STON2: variants seen among roughly 807,000 people sequenced by gnomAD.
STON2 encodes the protein stonin 2, also known as stonin-2.
A neutral mutation model predicts 65.7 loss-of-function variants in STON2; 29 were observed. The observed-to-expected ratio is 0.44, with a 90% CI of 0.33 to 0.60. The LOEUF is 0.60. Ranked by LOEUF, STON2 falls within the 20% of genes least tolerant of loss-of-function variation. The probability of loss-of-function intolerance (pLI) is 0.03; values close to 1 mark genes in which losing one functional copy is unlikely to be tolerated. For synonymous variants in STON2, 404 were observed against 414.2 expected (o/e 0.98, Z 0.30); for missense variants, 1,054 against 1,118.1 (o/e 0.94, Z 0.82).
intron 4 of STON2, among the ~76,000 whole-genome samples, chr14:81,370,061 A>T (rs1898915085): frequency 6.6e-6 from 1 of 152,120 alleles, no homozygotes. Flanking sequence ...CAAATACCAA[A>T]CCAAATCCTG....
chr14:81,434,203 T>C (rs1158890276), intron 1 of STON2, among the ~76,000 whole-genome samples: 1 of 152,258 alleles, frequency 6.6e-6, no homozygotes, highest in Non-Finnish European at 1.5e-5. Flanking sequence ...CAACAACTCA[T>C]TTTATAAAGC....
At chr14:81,389,232 T>G (rs1899963821) in intron 3 of STON2, among the ~76,000 whole-genome samples, 1 of 152,232 alleles carries the variant, frequency 6.6e-6, no homozygotes, top group African/African-American at 2.4e-5. Context: ...GGAAAAGGGC[T>G]AAAGCCAAAA....
At position 81,308,602 on chromosome 14, in the gene STON2, G is replaced by A. The variant is rs186658453; in HGVS notation, c.742+15415C>T. ...TTTATTCAAGGGTATCCCTCTTGGCGTCTAATAAGGCCTGGCCACTCATGC... is the reference window on the plus strand; with the variant it reads ...TTTATTCAAGGGTATCCCTCTTGGCATCTAATAAGGCCTGGCCACTCATGC... On this transcript the variant is annotated intron_variant, in intron 5 of 7. Coordinates refer to ENST00000614646, the MANE Select transcript of STON2 (RefSeq NM_001394390.1). Among the ~76,000 whole-genome samples the A allele has an allele frequency of 6.5e-4, 98 of 151,722 alleles. No homozygotes were observed. The East Asian group carries it at 0.016, about 24-fold the overall frequency.
At chr14:81,327,722 C>A (rs1897051162) in intron 4 of STON2, among the ~76,000 whole-genome samples, 1 of 152,174 alleles carries the variant, frequency 6.6e-6, no homozygotes, top group South Asian at 2.1e-4. Context: ...CTGTTTTTGG[C>A]CACGACATGT....
In STON2 at chr14:81,395,982, C is replaced by A. The variant is rs1204169729; in HGVS notation, c.285G>T (p.Leu95=). 1 of 1,614,074 alleles carries A rather than the reference C, an allele frequency of 6.2e-7. No homozygotes were observed. Among genetic ancestry groups the A allele is most frequent in the Non-Finnish European group, 8.5e-7 (1 of 1,180,040 alleles). Reference sequence around the variant, plus strand: ...GAACCCAGTTGCTGATGGCCGAGGCCAGGTCAGGTGGGGGCTGCTCAGGGC... The same window carrying A: ...GAACCCAGTTGCTGATGGCCGAGGCAAGGTCAGGTGGGGGCTGCTCAGGGC... The part of the protein sequence containing the change: ...PGSPEQPPPD[L]ASAISNWVQF... The change falls in exon 3 of 8, where the codon CTG becomes CTT. Residue 95 remains leucine, a synonymous_variant. Transcript: ENST00000614646.
chr14:81,270,433 T>C (rs569591925), intron 7 of STON2: 1 of 1,442,392 alleles, frequency 6.9e-7, no homozygotes, highest in South Asian at 1.5e-5. Flanking sequence ...AAAGACATTA[T>C]ATTCTCCTCT....
In STON2 at chr14:81,277,285, G is replaced by A. The variant is rs148063041; in HGVS notation, c.2197C>T (p.Arg733Trp). 1.5e-5 allele frequency: 25 copies of A among 1,614,028 alleles called. No homozygotes were observed. Among genetic ancestry groups the A allele is most frequent in the African/African-American group, 2.7e-5 (2 of 74,912 alleles). Residue 733 changes from arginine to tryptophan, a missense_variant, in exon 6 of 8, where the codon CGG (arginine) becomes TGG (tryptophan). Physicochemically the swap from Arg to Trp is moderately radical, Grantham distance 101. Transcript: ENST00000614646. Reference protein sequence around the residue: ...PLDACRFELMRFRTVFAEKTL... With the variant: ...PLDACRFELMWFRTVFAEKTL... The stretch of plus-strand genomic sequence containing the variant: ...TTCTCAGCAAACACTGTCCTGAACC[G>A]CATTAGCTCAAACCGGCACGCATCC...
intron 3 of STON2, among the ~76,000 whole-genome samples, chr14:81,389,435 CAT>C (rs1372515330): frequency 6.6e-6 from 1 of 152,204 alleles, no homozygotes; most frequent in African/African-American, 2.4e-5. Context: ...GCTCAGTCTA[CAT>C]GAGTGAAGCT....
chr14:81,297,934 G>A (rs758831564), intron 5 of STON2, among the ~76,000 whole-genome samples: 4 of 152,240 alleles, frequency 2.6e-5, no homozygotes, highest in Non-Finnish European at 5.9e-5. Context: ...CTACTCGGGA[G>A]GCTGAGGCAG....
chr14:81,362,606 T>C (rs763118668), intron 4 of STON2, among the ~76,000 whole-genome samples: 25 of 152,152 alleles, frequency 1.6e-4, no homozygotes, highest in Non-Finnish European at 3.4e-4. Flanking sequence ...AATATTGTAT[T>C]TTAGATTGGA....
At chr14:81,297,445 C>T (rs1895804825) in intron 5 of STON2, among the ~76,000 whole-genome samples, 2 of 152,190 alleles carry the variant, frequency 1.3e-5, no homozygotes, top group Non-Finnish European at 2.9e-5. Flanking sequence ...AGCATTTGGA[C>T]TGTAGCTCTA....
intron 5 of STON2, among the ~76,000 whole-genome samples, chr14:81,304,429 A>G (rs1303884447): frequency 6.6e-6 from 1 of 152,176 alleles, no homozygotes; most frequent in African/African-American, 2.4e-5. Flanking sequence ...ACGCTGTTAG[A>G]GATGGAATCA....
intron 5 of STON2, among the ~76,000 whole-genome samples, chr14:81,312,679 C>T (rs1896470486): frequency 6.6e-6 from 1 of 152,188 alleles, no homozygotes; most frequent in Admixed American, 6.5e-5. Flanking sequence ...ATCAAATTGC[C>T]CTTCATTGTT....
At chr14:81,290,560 G>A (rs1460584004) in intron 5 of STON2, among the ~76,000 whole-genome samples, 1 of 152,150 alleles carries the variant, frequency 6.6e-6, no homozygotes, top group East Asian at 1.9e-4. Context: ...AACTCAAGAA[G>A]TCTGTTGGGG....
At chr14:81,391,568 G>A (rs997177339) in intron 3 of STON2, among the ~76,000 whole-genome samples, 2 of 152,226 alleles carry the variant, frequency 1.3e-5, no homozygotes, top group African/African-American at 4.8e-5. Flanking sequence ...GCTTATGTGG[G>A]AGAGGTTAGT....
intron 4 of STON2, among the ~76,000 whole-genome samples, chr14:81,358,683 A>T (rs1898359761): frequency 6.6e-6 from 1 of 152,192 alleles, no homozygotes. Flanking sequence ...CTGAAAGTGA[A>T]GGAATGGAAA....
chr14:81,367,298 C>T (rs191213104), intron 4 of STON2, among the ~76,000 whole-genome samples: 2 of 152,100 alleles, frequency 1.3e-5, no homozygotes, highest in African/African-American at 4.8e-5. Flanking sequence ...CCTGCCTCAG[C>T]TTCTCAAGTA....
chr14:81,368,764 C>T (rs1400993002), intron 4 of STON2, among the ~76,000 whole-genome samples: 1 of 152,148 alleles, frequency 6.6e-6, no homozygotes, highest in Admixed American at 6.5e-5. Context: ...CATACCTCTA[C>T]CCTCCTTGTA....
intron 2 of STON2, among the ~76,000 whole-genome samples, chr14:81,421,491 G>A (rs2139897631): frequency 6.6e-6 from 1 of 152,310 alleles, no homozygotes. Flanking sequence ...ATCAACCAGA[G>A]AGTGAAAAGA....
Sources: allele counts gnomAD v4.1 joint callset (sites outside exome capture counted in the v4.1 genomes callset), GRCh38; gene constraint gnomAD v4.1.1; transcripts MANE v1.5; gene names NCBI Gene and HGNC (gene_info 2026-07-23, HGNC 2026-07-21).